CSPP1: variants seen among roughly 807,000 people sequenced by gnomAD.
The protein encoded by CSPP1 is centrosome and spindle pole associated protein 1, also known as centrosome and spindle pole-associated protein 1.
CSPP1 carries 126 observed loss-of-function variants against 164.4 expected under a neutral mutation model. The observed-to-expected ratio is 0.77, with a 90% CI of 0.66 to 0.89. The LOEUF (loss-of-function observed/expected upper bound fraction) is 0.89. Among genes scored for constraint, CSPP1 ranks in the 40% least tolerant of loss-of-function variants. CSPP1 has a pLI of 0.00. For synonymous variants in CSPP1, 472 were observed against 476.7 expected, an observed-to-expected ratio of 0.99 and a Z score of 0.13; for missense variants, 1,395 against 1,449.8, an observed-to-expected ratio of 0.96 and a Z score of 0.61.
intron 30 of CSPP1, among the ~76,000 whole-genome samples, chr8:67,193,823 T>G (rs1396312410): frequency 6.6e-6 from 1 of 152,252 alleles, no homozygotes; most frequent in African/African-American, 2.4e-5. Flanking sequence ...TAGAGTGGAG[T>G]CTAAACAGGT....
Position 67,091,778 on chromosome 8 carries a change from A to G in CSPP1, c.304-25A>G, listed in dbSNP as rs375812361. On this transcript the variant is annotated intron_variant, in intron 4 of 30. Coordinates refer to ENST00000678616, the MANE Select transcript of CSPP1 (RefSeq NM_001382391.1). ...TTTTATAAAGGCAATTAGGTAATATATTTTTTTAATGTGTATATATACAGA... is the reference window on the plus strand; with the variant it reads ...TTTTATAAAGGCAATTAGGTAATATGTTTTTTTAATGTGTATATATACAGA... The G allele has an allele frequency of 3.4e-6, 3 of 872,586 alleles. No homozygotes were observed. In the African/African-American group the frequency reaches 5.4e-5, roughly 16 times the overall value. 54.1% of individuals were successfully genotyped at this position (872,586 alleles called of 1,614,324 possible).
At position 67,101,254 on chromosome 8, in the gene CSPP1, A is replaced by G. The variant is rs921947103; in HGVS notation, c.924-1783A>G. ...ATTCCAGACTTCCTGAAGAAAAGCA[A>G]ATGTTTAGCATAAACTATAGTTTGT... is the stretch of plus-strand genomic sequence containing the variant. On this transcript the variant is annotated intron_variant, in intron 7 of 30. Transcript: ENST00000678616. Among the ~76,000 whole-genome samples the G allele has an allele frequency of 4.6e-5, 7 of 152,282 alleles. No homozygotes were observed. In the East Asian group the frequency reaches 1.2e-3, roughly 25 times the overall value.
intron 16 of CSPP1, among the ~76,000 whole-genome samples, chr8:67,133,221 A>T (rs1315220838): frequency 6.6e-6 from 1 of 152,202 alleles, no homozygotes; most frequent in Non-Finnish European, 1.5e-5. Context: ...TATGAGTTTA[A>T]AAGTGACTTT....
chr8:67,158,048 G>A (rs1340530357), intron 19 of CSPP1, among the ~76,000 whole-genome samples: 1 of 151,440 alleles, frequency 6.6e-6, no homozygotes, highest in Non-Finnish European at 1.5e-5. Context: ...ACACATAATA[G>A]CAGCAATCAC....
rs887024306 is a variant in CSPP1, at chr8:67,086,021, T to C, written c.214T>C (p.Leu72=). ...TTTTTTTCTAGGAATTGATTATGGA[T>C]TAAGTTTACCACTTGGAGAAGACTA... The part of the protein sequence containing the change: ...TRGSLGIDYG[L]SLPLGEDYER... Residue 72 remains leucine (L), a synonymous_variant, in exon 4 of 31, where the codon TTA becomes CTA. Transcript: ENST00000678616. 31 of 1,420,052 alleles carry C rather than the reference T, an allele frequency of 2.2e-5. No individual in the cohort carries two copies. The highest frequency in any genetic ancestry group is 2.9e-5 in the Non-Finnish European group (29 of 1,003,764). The allele number at this position is 1,420,052 out of a possible 1,614,324, so 88.0% of individuals were successfully genotyped here. A position where few individuals can be genotyped will look rare whatever the true frequency, so the allele number is the denominator to read the frequency against.
chr8:67,072,662 C>T (rs1032029794), intron 1 of CSPP1, among the ~76,000 whole-genome samples: 1 of 151,976 alleles, frequency 6.6e-6, no homozygotes, highest in Non-Finnish European at 1.5e-5. Flanking sequence ...CATACCACTC[C>T]AGCCTGGGCA....
chr8:67,088,954 G>C (rs1194321564), intron 4 of CSPP1, among the ~76,000 whole-genome samples: 1 of 151,482 alleles, frequency 6.6e-6, no homozygotes, highest in South Asian at 2.1e-4. Context: ...TAAAATTAGA[G>C]AGACAGTCTT....
chr8:67,148,911 A>G (rs1018796158), intron 17 of CSPP1, among the ~76,000 whole-genome samples: 1 of 152,152 alleles, frequency 6.6e-6, no homozygotes, highest in South Asian at 2.1e-4. Context: ...AATTAACCCA[A>G]AACTTGGTGT....
At chr8:67,159,830 CTTTCTTTCTTTCTTTCTTTCT>C in intron 21 of CSPP1, among the ~76,000 whole-genome samples, 4 of 124,636 alleles carry the variant, frequency 3.2e-5, no homozygotes, top group African/African-American at 1.5e-4. Context: ...CCTTCTCTCT[CTTTCTTTCTTTCTTTCTTTCT>C]TTTTCTTTCT....
intron 4 of CSPP1, chr8:67,086,786 A>G (rs777698323): frequency 1.6e-6 from 2 of 1,280,522 alleles, no homozygotes; most frequent in Non-Finnish European, 2.1e-6. Context: ...CTTTGACTTA[A>G]TACACTTTGT....
chr8:67,175,579 T>A, intron 26 of CSPP1, 143 bp downstream of exon 26: 1 of 938,130 alleles, frequency 1.1e-6, no homozygotes, highest in Non-Finnish European at 1.7e-6. Context: ...TGGTCTGTAG[T>A]ACCAGAAAAG....
chr8:67,186,543 A>G (rs1189135211), intron 28 of CSPP1, among the ~76,000 whole-genome samples: 2 of 152,194 alleles, frequency 1.3e-5, no homozygotes, highest in Non-Finnish European at 2.9e-5. Flanking sequence ...AACTTCTGCA[A>G]CTTGATAAAG....
At chr8:67,101,687 A>T (rs910592988) in intron 7 of CSPP1, among the ~76,000 whole-genome samples, 1 of 152,218 alleles carries the variant, frequency 6.6e-6, no homozygotes, top group African/African-American at 2.4e-5. Flanking sequence ...TTCTCCACAG[A>T]TGATATTGAC....
chr8:67,149,946 A>AT lies in CSPP1; in HGVS notation c.2128+11_2128+12insT. On this transcript the variant is annotated intron_variant, in intron 18 of 30. Coordinates refer to ENST00000678616, the MANE Select transcript of CSPP1 (RefSeq NM_001382391.1). ...CAAATAAAAGCTCAGGTTTTTAATCACTTTTTTTTTTTTTTTTTTTTTTTT... is the reference window on the plus strand; with the variant it reads ...CAAATAAAAGCTCAGGTTTTTAATCATCTTTTTTTTTTTTTTTTTTTTTTTT... 1 of 1,365,180 alleles carries AT rather than the reference A, an allele frequency of 7.3e-7. No individual in the cohort carries two copies. The highest frequency in any genetic ancestry group is 1.7e-5 in the South Asian group (1 of 58,086). 84.6% of individuals were successfully genotyped at this position (1,365,180 alleles called of 1,614,324 possible). A position where few individuals can be genotyped will look rare whatever the true frequency, so the allele number is the denominator to read the frequency against.
At chr8:67,190,304 A>G (rs1023062178) in intron 28 of CSPP1, among the ~76,000 whole-genome samples, 1 of 152,228 alleles carries the variant, frequency 6.6e-6, no homozygotes, top group African/African-American at 2.4e-5. Flanking sequence ...CCTTATTGCT[A>G]AGTGAAAAGA....
chr8:67,188,886 A>G (rs549793827), intron 28 of CSPP1, among the ~76,000 whole-genome samples: 21 of 152,258 alleles, frequency 1.4e-4, no homozygotes, highest in African/African-American at 5.1e-4. Context: ...CACGGCTTCT[A>G]ATAGAGCTTT....
intron 1 of CSPP1, among the ~76,000 whole-genome samples, chr8:67,068,481 C>T (rs1806050863): frequency 6.6e-6 from 1 of 152,150 alleles, no homozygotes; most frequent in Non-Finnish European, 1.5e-5. Context: ...TATAAATAAT[C>T]TCATTTAGGT....
At chr8:67,141,324 A>G (rs987531173) in intron 17 of CSPP1, among the ~76,000 whole-genome samples, 12 of 152,206 alleles carry the variant, frequency 7.9e-5, no homozygotes, top group Non-Finnish European at 4.4e-5. Flanking sequence ...CCTAATGAGC[A>G]TGGAGAAAAT....
At chr8:67,125,516 T>A (rs1223690197) in intron 15 of CSPP1, among the ~76,000 whole-genome samples, 1 of 152,202 alleles carries the variant, frequency 6.6e-6, no homozygotes, top group Admixed American at 6.5e-5. Flanking sequence ...TTGCCCATTA[T>A]TTTTTCCAAT....
Sources: allele counts gnomAD v4.1 joint callset (sites outside exome capture counted in the v4.1 genomes callset), GRCh38; gene constraint gnomAD v4.1.1; transcripts MANE v1.5; gene names NCBI Gene and HGNC (gene_info 2026-07-23, HGNC 2026-07-21).